GPC5: variants seen among roughly 807,000 people sequenced by gnomAD.
The protein encoded by GPC5 is glypican 5, also known as glypican-5.
Under a neutral mutation model 53.9 loss-of-function variants are expected in GPC5, and 47 were observed. The observed-to-expected ratio is 0.87, with a 90% CI of 0.69 to 1.11. GPC5 has a LOEUF of 1.11. Among genes scored for constraint, GPC5 ranks in the 50% most tolerant of loss-of-function variants. The probability of loss-of-function intolerance (pLI) is 0.00; values close to 1 mark genes in which losing one functional copy is unlikely to be tolerated. For missense variants in GPC5, 748 were observed against 713.1 expected (o/e 1.05, Z -0.56); for synonymous variants, 286 against 263.3 (o/e 1.09, Z -0.84).
intron 6 of GPC5, among the ~76,000 whole-genome samples, chr13:92,106,035 G>T (rs1566437436): frequency 6.6e-6 from 1 of 152,006 alleles, no homozygotes; most frequent in Non-Finnish European, 1.5e-5. Context: ...TTATGTACCA[G>T]TGATTCATTC....
At chr13:91,942,356 G>C (rs1194672234) in intron 6 of GPC5, among the ~76,000 whole-genome samples, 1 of 151,884 alleles carries the variant, frequency 6.6e-6, no homozygotes, top group Admixed American at 6.6e-5. Flanking sequence ...TATCATTCAA[G>C]CTGGTGCATA....
chr13:92,756,249 A>G (rs1328488457), intron 7 of GPC5, among the ~76,000 whole-genome samples: 1 of 152,104 alleles, frequency 6.6e-6, no homozygotes, highest in Non-Finnish European at 1.5e-5. Flanking sequence ...ATCTCAATAG[A>G]TGCAGAAAAG....
intron 7 of GPC5, among the ~76,000 whole-genome samples, chr13:92,428,012 T>C (rs979597672): frequency 2.6e-5 from 4 of 152,296 alleles, no homozygotes; most frequent in Non-Finnish European, 4.4e-5. Flanking sequence ...TTTTTTGTTT[T>C]CCACTTGCAT....
At position 92,341,540 on chromosome 13, in the gene GPC5, AT is replaced by A. The variant is rs1211668345; in HGVS notation, c.1561+196552del. 8.5e-5 allele frequency among the ~76,000 whole-genome samples: 13 copies of A among 152,280 alleles called. No individual in the cohort carries two copies. The East Asian group carries it at 1.7e-3, about 20-fold the overall frequency. On this transcript the variant is annotated intron_variant, in intron 7 of 7. Coordinates refer to ENST00000377067, the MANE Select transcript of GPC5 (RefSeq NM_004466.6). The stretch of plus-strand genomic sequence containing the variant: ...TTAGAAACTTGTTTTACAGAAAAAA[AT>A]GTAAATTTTCTTCAAAAATATATTG...
intron 7 of GPC5, among the ~76,000 whole-genome samples, chr13:92,602,023 T>C (rs1307274247): frequency 6.6e-6 from 1 of 151,188 alleles, no homozygotes; most frequent in African/African-American, 2.4e-5. Context: ...TTTATGTATA[T>C]ACCCCTAGAG....
chr13:92,371,591 C>T (rs975162596), intron 7 of GPC5, among the ~76,000 whole-genome samples: 3 of 152,112 alleles, frequency 2.0e-5, no homozygotes, highest in Non-Finnish European at 4.4e-5. Context: ...ACTCAGGAAA[C>T]TTATGATCAT....
intron 7 of GPC5, among the ~76,000 whole-genome samples, chr13:92,732,970 T>A (rs1888846837): frequency 6.6e-6 from 1 of 151,626 alleles, no homozygotes; most frequent in South Asian, 2.1e-4. Context: ...GTCCGGGAAC[T>A]GATTTTACTT....
intron 7 of GPC5, among the ~76,000 whole-genome samples, chr13:92,270,682 A>G (rs1043059480): frequency 1.3e-5 from 2 of 152,220 alleles, no homozygotes; most frequent in Admixed American, 1.3e-4. Context: ...ATGAATTGCA[A>G]ATAAGAGGAT....
chr13:92,819,686 G>C (rs1356637603), intron 7 of GPC5, among the ~76,000 whole-genome samples: 1 of 152,022 alleles, frequency 6.6e-6, no homozygotes, highest in Non-Finnish European at 1.5e-5. Context: ...TATCCCCCTG[G>C]GGTAGGTATG....
At chr13:91,456,831 G>A (rs1399585658) in intron 2 of GPC5, among the ~76,000 whole-genome samples, 2 of 122,048 alleles carry the variant, frequency 1.6e-5, no homozygotes, top group African/African-American at 6.7e-5. Flanking sequence ...ATGAATATGG[G>A]ATTTTTTTTT....
At chr13:91,766,567 T>C (rs1210128330) in intron 5 of GPC5, among the ~76,000 whole-genome samples, 1 of 152,098 alleles carries the variant, frequency 6.6e-6, no homozygotes, top group East Asian at 1.9e-4. Context: ...TTCTTAACTT[T>C]AAAATGTGGG....
chr13:92,278,576 T>C (rs922731774), intron 7 of GPC5, among the ~76,000 whole-genome samples: 2 of 152,070 alleles, frequency 1.3e-5, no homozygotes, highest in East Asian at 1.9e-4. Flanking sequence ...ATTTTTTCTT[T>C]TGTTGTTCAT....
intron 7 of GPC5, among the ~76,000 whole-genome samples, chr13:92,724,629 C>T (rs184609473): frequency 4.3e-4 from 65 of 151,638 alleles, no homozygotes; most frequent in Middle Eastern, 3.4e-3. Flanking sequence ...AGAATAAATA[C>T]TGTATTATTC....
At chr13:92,858,430 A>G (rs1283401403) in intron 7 of GPC5, among the ~76,000 whole-genome samples, 1 of 152,174 alleles carries the variant, frequency 6.6e-6, no homozygotes, top group South Asian at 2.1e-4. Context: ...ACTCTCAGGT[A>G]TGTCTTCCTT....
intron 7 of GPC5, among the ~76,000 whole-genome samples, chr13:92,670,940 G>A (rs1886727665): frequency 6.6e-6 from 1 of 151,994 alleles, no homozygotes; most frequent in Admixed American, 6.6e-5. Flanking sequence ...CATTTTCCAG[G>A]GAACTTGCTT....
intron 5 of GPC5, among the ~76,000 whole-genome samples, chr13:91,762,290 C>G (rs908520257): frequency 6.7e-6 from 1 of 149,530 alleles, no homozygotes; most frequent in Non-Finnish European, 1.5e-5. Flanking sequence ...GTTTTCCTGA[C>G]CATAATTTTG....
At chr13:91,492,968 T>G (rs774938780) in intron 2 of GPC5, among the ~76,000 whole-genome samples, 5 of 144,886 alleles carry the variant, frequency 3.5e-5, no homozygotes, top group African/African-American at 1.2e-4. Context: ...TGCTACTGTT[T>G]CGGTAACAAT....
chr13:91,940,628 C>T (rs1015211442), intron 6 of GPC5, among the ~76,000 whole-genome samples: 2 of 152,078 alleles, frequency 1.3e-5, no homozygotes, highest in Admixed American at 6.6e-5. Flanking sequence ...ATAAGCATTC[C>T]CTTTTCTCCA....
chr13:92,207,317 A>G (rs2042344778), intron 7 of GPC5, among the ~76,000 whole-genome samples: 1 of 152,232 alleles, frequency 6.6e-6, no homozygotes, highest in African/African-American at 2.4e-5. Context: ...CAAGCCCACT[A>G]ACCCCTGAGG....
Sources: gnomAD v4.1 joint callset for allele counts (sites outside exome capture counted in the v4.1 genomes callset) on GRCh38, gnomAD v4.1.1 for gene constraint, MANE v1.5 for transcripts, NCBI Gene and HGNC (gene_info 2026-07-23, HGNC 2026-07-21) for gene names.